AGBL4: variants seen among roughly 807,000 people sequenced by gnomAD.
The protein encoded by AGBL4 is AGBL carboxypeptidase 4, also known as cytosolic carboxypeptidase 6.
Under a neutral mutation model 66.4 loss-of-function variants are expected in AGBL4, and 58 were observed. The ratio of observed to expected loss-of-function variants is 0.87; its 90% CI spans 0.71 to 1.09. AGBL4 has a LOEUF of 1.09. Among genes scored for constraint, AGBL4 ranks in the 50% least tolerant of loss-of-function variants. AGBL4 has a pLI of 0.00. For synonymous variants in AGBL4, 234 were observed against 222.9 expected (o/e 1.05, Z -0.44); for missense variants, 579 against 631.0 (o/e 0.92, Z 0.88).
intron 3 of AGBL4, among the ~76,000 whole-genome samples, chr1:49,331,452 C>G (rs1339817087): frequency 2.0e-5 from 3 of 152,166 alleles, no homozygotes; most frequent in Non-Finnish European, 4.4e-5. Context: ...CTCAGCCATT[C>G]CAGCCTGCAG....
chr1:48,980,593 G>A (rs1336535497), intron 5 of AGBL4, among the ~76,000 whole-genome samples: 3 of 151,688 alleles, frequency 2.0e-5, no homozygotes, highest in African/African-American at 7.3e-5. Context: ...ACAGCTACTT[G>A]GGAGGGTGAG....
At chr1:48,864,379 A>G (rs1647788621) in intron 6 of AGBL4, among the ~76,000 whole-genome samples, 1 of 152,202 alleles carries the variant, frequency 6.6e-6, no homozygotes, top group African/African-American at 2.4e-5. Flanking sequence ...ACAATTGGTC[A>G]TTATGTAGTT....
chr1:48,644,060 A>G (rs1198671645), intron 8 of AGBL4, among the ~76,000 whole-genome samples: 2 of 152,126 alleles, frequency 1.3e-5, no homozygotes, highest in Non-Finnish European at 2.9e-5. Flanking sequence ...CTCCTTCTAC[A>G]TTGCAGGAAT....
chr1:49,746,638 G>A lies in AGBL4; in HGVS notation c.158-49201C>T, dbSNP rs574837929. Among the ~76,000 whole-genome samples the A allele has an allele frequency of 1.4e-3, 211 of 152,160 alleles. 1 individual carries two copies. Among genetic ancestry groups the A allele is most frequent in the African/African-American group, 4.8e-3 (200 of 41,566 alleles). Reference sequence around the variant, plus strand: ...GTAAAAGAATCAGATCTTTGATGATGTGCTAAGACGAATTTTGAATATTTT... The same window carrying A: ...GTAAAAGAATCAGATCTTTGATGATATGCTAAGACGAATTTTGAATATTTT... On this transcript the variant is annotated intron_variant, in intron 2 of 13. Transcript: ENST00000371839.
intron 3 of AGBL4, among the ~76,000 whole-genome samples, chr1:49,484,974 T>C (rs1384210124): frequency 6.6e-6 from 1 of 151,982 alleles, no homozygotes; most frequent in East Asian, 1.9e-4. Context: ...GGAGTACCAT[T>C]CAGCCTTTAA....
At chr1:48,581,096 T>C (rs1447896003) in intron 11 of AGBL4, among the ~76,000 whole-genome samples, 1 of 152,204 alleles carries the variant, frequency 6.6e-6, no homozygotes, top group Non-Finnish European at 1.5e-5. Flanking sequence ...TATTGTCTCT[T>C]TACCTTTCTC....
At chr1:49,948,146 A>G (rs1199276652) in intron 1 of AGBL4, among the ~76,000 whole-genome samples, 30 of 104,230 alleles carry the variant, frequency 2.9e-4, no homozygotes, top group Non-Finnish European at 4.8e-4. Context: ...ATGTAAATAT[A>G]TATAAATATA....
chr1:49,767,572 C>T (rs1395796101), intron 2 of AGBL4, among the ~76,000 whole-genome samples: 2 of 151,614 alleles, frequency 1.3e-5, no homozygotes, highest in Admixed American at 6.6e-5. Flanking sequence ...GAAACAACCA[C>T]AACATAAGCG....
At position 49,594,722 on chromosome 1, in the gene AGBL4, A is replaced by T. The variant is rs573215356; in HGVS notation, c.282+102591T>A. On this transcript the variant is annotated intron_variant, in intron 3 of 13. Transcript: ENST00000371839. The stretch of plus-strand genomic sequence containing the variant: ...CATCCTTTTTTATGGCTGCATAGTT[A>T]TCCATGGTGTATATGTGCCACATTT... 2.8e-3 allele frequency among the ~76,000 whole-genome samples: 428 copies of T among 152,298 alleles called. 9 individuals are homozygous for T. In the East Asian group the frequency reaches 0.074, roughly 26 times the overall value.
chr1:50,019,297 C>CAA (rs1662247027), intron 1 of AGBL4, among the ~76,000 whole-genome samples: 1 of 118,244 alleles, frequency 8.5e-6, no homozygotes, highest in Non-Finnish European at 1.8e-5. Context: ...CTCTCTCTCT[C>CAA]TCTCTCTCTC....
chr1:49,107,696 A>T (rs78589433), intron 4 of AGBL4, among the ~76,000 whole-genome samples: 3,212 of 37,962 alleles, frequency 0.085, 34 homozygotes, highest in Middle Eastern at 0.22. Flanking sequence ...TGTGTGTGTG[A>T]GAGAGAGAGA....
rs1646443529 is a variant in AGBL4, at chr1:49,458,677, CT to C, written c.283-212814del. Among the ~76,000 whole-genome samples, 5 of 151,768 alleles carry C rather than the reference CT, an allele frequency of 3.3e-5. No homozygotes were observed. In the Middle Eastern group the frequency reaches 0.01, roughly 310 times the overall value. On this transcript the variant is annotated intron_variant, in intron 3 of 13. Transcript: ENST00000371839. The stretch of plus-strand genomic sequence containing the variant: ...CAATTTTTCCCTGTTCAGTACAATG[CT>C]AGCTGTGTGTTTGTCATGAATGGCT...
intron 3 of AGBL4, among the ~76,000 whole-genome samples, chr1:49,376,197 A>G (rs1478727262): frequency 6.6e-6 from 1 of 151,952 alleles, no homozygotes; most frequent in Non-Finnish European, 1.5e-5. Context: ...CCTTGGTGCT[A>G]TTGCCTCAGT....
chr1:49,429,364 C>T (rs1331727303), intron 3 of AGBL4, among the ~76,000 whole-genome samples: 1 of 152,098 alleles, frequency 6.6e-6, no homozygotes, highest in East Asian at 1.9e-4. Flanking sequence ...AGGAAGGAGG[C>T]AGAGGATGCT....
At chr1:49,040,102 T>G (rs1039522741) in intron 5 of AGBL4, among the ~76,000 whole-genome samples, 6 of 152,018 alleles carry the variant, frequency 3.9e-5, no homozygotes, top group Admixed American at 3.9e-4. Flanking sequence ...AAAAGACTTG[T>G]GTTAGAATAT....
intron 5 of AGBL4, among the ~76,000 whole-genome samples, chr1:48,871,521 T>G (rs1203347636): frequency 1.3e-5 from 2 of 152,094 alleles, no homozygotes; most frequent in Non-Finnish European, 2.9e-5. Flanking sequence ...AATGTGGGTA[T>G]GCCAGCGTTG....
At chr1:48,954,339 G>A (rs1241629324) in intron 5 of AGBL4, among the ~76,000 whole-genome samples, 2 of 152,110 alleles carry the variant, frequency 1.3e-5, no homozygotes, top group African/African-American at 4.8e-5. Flanking sequence ...ATATATACAA[G>A]GCACTTTCTT....
intron 5 of AGBL4, among the ~76,000 whole-genome samples, chr1:48,941,438 C>T (rs1277924766): frequency 2.0e-5 from 3 of 152,194 alleles, no homozygotes; most frequent in African/African-American, 7.2e-5. Context: ...TGGCAATGAA[C>T]ACAACACTCA....
In AGBL4 at chr1:48,624,177, TG is replaced by T. The variant is rs534792992; in HGVS notation, c.951+10315del. Among the ~76,000 whole-genome samples, 445 of 152,246 alleles carry T rather than the reference TG, an allele frequency of 2.9e-3. 2 individuals are homozygous for T. Among genetic ancestry groups the T allele is most frequent in the African/African-American group, 0.01 (429 of 41,550 alleles). ...TGAGCTTGAGAAGAGATTCCATATG[TG>T]GGAGCTCTTTGTAACAGAGGATCAG... On this transcript the variant is annotated intron_variant, in intron 9 of 13. Coordinates refer to ENST00000371839, the MANE Select transcript of AGBL4 (RefSeq NM_032785.4).
Sources: gnomAD v4.1 joint callset for allele counts (sites outside exome capture counted in the v4.1 genomes callset) on GRCh38, gnomAD v4.1.1 for gene constraint, MANE v1.5 for transcripts, NCBI Gene and HGNC (gene_info 2026-07-23, HGNC 2026-07-21) for gene names.